Variants in SRGAP1 observed in about 807,000 individuals in gnomAD.
The protein encoded by SRGAP1 is SLIT-ROBO Rho GTPase activating protein 1, also known as SLIT-ROBO Rho GTPase-activating protein 1.
SRGAP1 carries 43 observed loss-of-function variants against 121.9 expected under a neutral mutation model. That is an observed-to-expected ratio of 0.35 (90% confidence interval 0.28 to 0.46). SRGAP1 has a LOEUF of 0.46. SRGAP1 is among the 20% of genes least tolerant of loss of function. SRGAP1 has a pLI of 1.00. For synonymous variants in SRGAP1, 447 were observed against 485.4 expected (o/e 0.92, Z 1.04); for missense variants, 1,102 against 1,350.9 (o/e 0.82, Z 2.89).
chr12:64,129,098 T>TA (rs57166195), intron 21 of SRGAP1, among the ~76,000 whole-genome samples: 10 of 149,168 alleles, frequency 6.7e-5, no homozygotes, highest in African/African-American at 4.9e-5. Flanking sequence ...ATCCCGTGTC[T>TA]AAAAAAAAAA....
chr12:63,939,269 T>A (rs1336824809), intron 1 of SRGAP1, among the ~76,000 whole-genome samples: 1 of 152,028 alleles, frequency 6.6e-6, no homozygotes. Context: ...AAGACAGATC[T>A]CAGACTCTTA....
chr12:64,049,779 T>C (rs1185228224), intron 6 of SRGAP1, among the ~76,000 whole-genome samples: 1 of 152,218 alleles, frequency 6.6e-6, no homozygotes. Context: ...TTACTATGGC[T>C]GTCTTGGTTA....
At chr12:63,924,805 T>C (rs1430225341) in intron 1 of SRGAP1, among the ~76,000 whole-genome samples, 1 of 152,200 alleles carries the variant, frequency 6.6e-6, no homozygotes, top group Admixed American at 6.5e-5. Flanking sequence ...TGAAATAAAA[T>C]GTGTGAGTGT....
At chr12:64,096,193 A>G (rs939194594) in intron 14 of SRGAP1, among the ~76,000 whole-genome samples, 1 of 152,148 alleles carries the variant, frequency 6.6e-6, no homozygotes, top group Non-Finnish European at 1.5e-5. Context: ...TTTTCCCAGT[A>G]TTTGTTATTT....
intron 8 of SRGAP1, among the ~76,000 whole-genome samples, chr12:64,065,830 A>T (rs1426853599): frequency 6.6e-6 from 1 of 152,262 alleles, no homozygotes; most frequent in African/African-American, 2.4e-5. Context: ...TATAATTAGA[A>T]CAAAATCATA....
chr12:64,080,192 A>T, intron 9 of SRGAP1, 94 bp from the exon 10 acceptor site: 3 of 996,124 alleles, frequency 3.0e-6, no homozygotes, highest in Non-Finnish European at 4.3e-6. Context: ...GCAGTGAGCC[A>T]AGATCGCGCC....
chr12:63,942,303 T>C (rs547550955), intron 1 of SRGAP1, among the ~76,000 whole-genome samples: 3 of 152,360 alleles, frequency 2.0e-5, no homozygotes, highest in South Asian at 2.1e-4. Context: ...GTAATACTTA[T>C]AGCTAGATTT....
At chr12:64,031,165 A>G (rs1441404363) in intron 4 of SRGAP1, among the ~76,000 whole-genome samples, 3 of 151,976 alleles carry the variant, frequency 2.0e-5, no homozygotes, top group East Asian at 3.9e-4. Flanking sequence ...TAAAAATACA[A>G]AAGTTAGCCG....
chr12:63,885,495 T>C (rs183005522), intron 1 of SRGAP1, among the ~76,000 whole-genome samples: 57 of 152,310 alleles, frequency 3.7e-4, no homozygotes, highest in African/African-American at 1.4e-3. Context: ...ATAGGCATGA[T>C]TGACAACCAT....
chr12:64,078,934 G>C lies in SRGAP1; in HGVS notation c.1141G>C (p.Glu381Gln). 4 of 1,613,578 alleles carry C rather than the reference G, an allele frequency of 2.5e-6. No homozygotes were observed. The highest frequency in any genetic ancestry group is 3.4e-6 in the Non-Finnish European group (4 of 1,179,966). The change falls in exon 9 of 22, where the codon GAA (glutamate) becomes CAA (glutamine). Residue 381 changes from glutamate to glutamine, a missense_variant. Transcript: ENST00000355086. ...IENEEVKKTT[E>Q]ATLQTIQDMV... ...CTATTCCCAGGTTAAGAAAACGACTGAAGCCACCTTGCAGACGATACAAGA... is the reference window on the plus strand; with the variant it reads ...CTATTCCCAGGTTAAGAAAACGACTCAAGCCACCTTGCAGACGATACAAGA...
At chr12:64,022,491 A>C (rs2034571316) in intron 4 of SRGAP1, among the ~76,000 whole-genome samples, 1 of 152,188 alleles carries the variant, frequency 6.6e-6, no homozygotes, top group South Asian at 2.1e-4. Context: ...TGTTTTACCC[A>C]GCCTACTGAT....
chr12:63,866,734 C>CTT (rs748317160), intron 1 of SRGAP1, among the ~76,000 whole-genome samples: 1 of 137,444 alleles, frequency 7.3e-6, no homozygotes, highest in African/African-American at 2.7e-5. Context: ...TTTTTTTTTT[C>CTT]TTTTTTTTTT....
At chr12:63,899,371 A>C (rs1199050490) in intron 1 of SRGAP1, among the ~76,000 whole-genome samples, 5 of 152,086 alleles carry the variant, frequency 3.3e-5, no homozygotes, top group Admixed American at 3.3e-4. Context: ...GCTACATAAT[A>C]GGAATATTAC....
At chr12:63,885,694 G>A (rs1412937106) in intron 1 of SRGAP1, among the ~76,000 whole-genome samples, 1 of 152,138 alleles carries the variant, frequency 6.6e-6, no homozygotes, top group African/African-American at 2.4e-5. Flanking sequence ...GTCCTGCCTG[G>A]GCAAGTAGAA....
At chr12:63,936,445 C>G (rs1011345558) in intron 1 of SRGAP1, among the ~76,000 whole-genome samples, 1 of 152,078 alleles carries the variant, frequency 6.6e-6, no homozygotes, top group African/African-American at 2.4e-5. Context: ...CAGTTTTGGC[C>G]TATGGGACGG....
chr12:63,880,691 C>T (rs73315380), intron 1 of SRGAP1, among the ~76,000 whole-genome samples: 183 of 152,260 alleles, frequency 1.2e-3, no homozygotes, highest in African/African-American at 4.3e-3. Flanking sequence ...TCAGTTTCTC[C>T]TCCATCCCCT....
intron 1 of SRGAP1, among the ~76,000 whole-genome samples, chr12:63,906,106 T>A (rs2030195504): frequency 6.6e-6 from 1 of 152,310 alleles, no homozygotes; most frequent in South Asian, 2.1e-4. Flanking sequence ...AAATTTGCCT[T>A]TTCTAGACAT....
At chr12:63,942,790 G>A (rs910293848) in intron 1 of SRGAP1, among the ~76,000 whole-genome samples, 7 of 152,104 alleles carry the variant, frequency 4.6e-5, no homozygotes, top group African/African-American at 1.4e-4. Context: ...CAGCGCAGAC[G>A]CTTTCTTTTG....
chr12:63,908,332 A>C (rs1179656247), intron 1 of SRGAP1, among the ~76,000 whole-genome samples: 1 of 152,210 alleles, frequency 6.6e-6, no homozygotes, highest in Non-Finnish European at 1.5e-5. Context: ...TAAGTTGTCT[A>C]ATCTATGACT....
Sources: allele counts gnomAD v4.1 joint callset (sites outside exome capture counted in the v4.1 genomes callset), GRCh38; gene constraint gnomAD v4.1.1; transcripts MANE v1.5; gene names NCBI Gene and HGNC (gene_info 2026-07-23, HGNC 2026-07-21).